The following EPHB6 variants were observed in gnomAD, a reference collection of about 807,000 sequenced individuals.
The protein encoded by EPHB6 is ephrin type-B receptor 6.
In EPHB6, 51 loss-of-function variants were observed where a neutral mutation model predicts 107.0. The ratio of observed to expected loss-of-function variants is 0.48; its 90% CI spans 0.38 to 0.60. The LOEUF (loss-of-function observed/expected upper bound fraction) is 0.60. Ranked by LOEUF, EPHB6 falls within the 20% of genes least tolerant of loss-of-function variation. The probability of loss-of-function intolerance (pLI) is 0.00; values close to 1 mark genes in which losing one functional copy is unlikely to be tolerated. For missense variants in EPHB6, 1,141 were observed against 1,355.5 expected (o/e 0.84, Z 2.48); for synonymous variants, 553 against 549.0 (o/e 1.01, Z -0.10).
rs746855267 is a variant in EPHB6 at position 142,856,778 on chromosome 7, G to A, written c.-432+1393G>A. On this transcript the variant is annotated intron_variant, in intron 1 of 19. Coordinates refer to ENST00000652003, the MANE Select transcript of EPHB6 (RefSeq NM_004445.6). ...CCAGACTGGGGGTAGAGCAGGGGCC[G>A]AAGGTGAGGAAGAAGGGCCCATGGA... Among the ~76,000 whole-genome samples, 9 of 152,172 alleles carry A rather than the reference G, an allele frequency of 5.9e-5. 1 individual carries two copies. The highest frequency in any genetic ancestry group is 5.8e-4 in the East Asian group (3 of 5,186).
intron 18 of EPHB6, 36 bp downstream of exon 18, chr7:142,870,443 G>A: frequency 1.2e-6 from 2 of 1,613,802 alleles, no homozygotes; most frequent in Non-Finnish European, 1.7e-6. Context: ...GGAAAGCCAG[G>A]GAGGGTAGAT....
At chr7:142,870,067 T>G (rs1794824404) in intron 17 of EPHB6, 101 bp downstream of exon 17, 2 of 1,595,678 alleles carry the variant, frequency 1.3e-6, no homozygotes, top group South Asian at 2.2e-5. Flanking sequence ...TTCTAAGATC[T>G]CATGGCTGTT....
At chr7:142,865,768 T>G in intron 8 of EPHB6, 138 bp downstream of exon 8, 1 of 971,828 alleles carries the variant, frequency 1.0e-6, no homozygotes, top group Non-Finnish European at 1.5e-6. Context: ...CTCCCCTCCC[T>G]GTCCCCACCC....
At chr7:142,870,745 T>C in intron 19 of EPHB6, 51 bp from the exon 20 acceptor site, 1 of 1,614,062 alleles carries the variant, frequency 6.2e-7, no homozygotes, top group Non-Finnish European at 8.5e-7. Context: ...GGGGTCGTAT[T>C]GGGGATCTCG....
Position 142,868,046 on chromosome 7 carries a change from C to T in EPHB6, c.1915C>T (p.Pro639Ser). ...YTEQLQQYSS[P>S]GLGVKYYIDP... ...AGAGCAGCTGCAGCAATACAGCAGC[C>T]CAGGTGGGGATGAGGAGAGGAAATG... is the stretch of plus-strand genomic sequence containing the variant. Residue 639 changes from proline to serine, a missense_variant, in exon 13 of 20, where the codon CCA (proline) becomes TCA (serine). This residue lies in a region of EPHB6 where 616 missense variants were observed against 759.3 expected (regional missense o/e 0.81). Coordinates refer to ENST00000652003, the MANE Select transcript of EPHB6 (RefSeq NM_004445.6). The surrounding 1 kb of genome is among the most constrained non-coding windows in gnomAD (Gnocchi z 4.2). 1 of 1,600,916 alleles carries T rather than the reference C, an allele frequency of 6.2e-7. No individual in the cohort carries two copies.
intron 8 of EPHB6, 108 bp downstream of exon 8, chr7:142,865,738 T>C: frequency 6.7e-7 from 1 of 1,485,282 alleles, no homozygotes; most frequent in Non-Finnish European, 9.1e-7. Flanking sequence ...GACTTGTTTT[T>C]CCCCTATTTT....
Position 142,870,905 on chromosome 7 carries a change from G to T in EPHB6, c.*1G>T. 6.2e-7 allele frequency: 1 copy of T among 1,612,124 alleles called. No individual in the cohort carries two copies. The highest frequency in any genetic ancestry group is 1.1e-5 in the South Asian group (1 of 91,038). On this transcript the variant is annotated 3_prime_UTR_variant, in exon 20 of 20. Coordinates refer to ENST00000652003, the MANE Select transcript of EPHB6 (RefSeq NM_004445.6). ...GCAGCAGGGCTCAGTGGAGGTCTGA[G>T]AATGACGATACCCGTGACTCAGCCC...
intron 8 of EPHB6, 135 bp from the exon 9 acceptor site, chr7:142,865,825 C>A: frequency 8.8e-7 from 1 of 1,140,068 alleles, no homozygotes; most frequent in Non-Finnish European, 1.3e-6. Flanking sequence ...TCCTGCCTCT[C>A]TGGGCTACCC....
At chr7:142,857,850 A>G (rs1457977726) in intron 1 of EPHB6, among the ~76,000 whole-genome samples, 1 of 152,204 alleles carries the variant, frequency 6.6e-6, no homozygotes, top group Non-Finnish European at 1.5e-5. Context: ...AGACAAGCTT[A>G]AAGACTAGCC....
In EPHB6 at chr7:142,868,822, A is replaced by G; in HGVS notation, c.2286+83A>G. On this transcript the variant is annotated intron_variant, in intron 15 of 19. Transcript: ENST00000652003. This position sits in a 1 kb window ranked among gnomAD's most constrained non-coding sequence, Gnocchi z 4.2. ...ACGAGGTCCTGTATCTTTGCTTCTT[A>G]CCACCCCACCTTCCATGGTCTCCGT... 1 of 1,608,942 alleles carries G rather than the reference A, an allele frequency of 6.2e-7. No homozygotes were observed. The highest frequency in any genetic ancestry group is 8.5e-7 in the Non-Finnish European group (1 of 1,178,270).
intron 1 of EPHB6, among the ~76,000 whole-genome samples, chr7:142,858,563 G>C (rs1586147164): frequency 1.4e-5 from 2 of 146,704 alleles, no homozygotes; most frequent in Middle Eastern, 7.4e-3. Flanking sequence ...AGCCTCCCCA[G>C]CAGCTGGGAC....
intron 1 of EPHB6, among the ~76,000 whole-genome samples, chr7:142,859,331 G>GA (rs1322619230): frequency 6.6e-6 from 1 of 152,174 alleles, no homozygotes; most frequent in Non-Finnish European, 1.5e-5. Context: ...AGACACCTTT[G>GA]AAAAATCAAG....
At chr7:142,857,413 G>T (rs1256978503) in intron 1 of EPHB6, among the ~76,000 whole-genome samples, 2 of 152,240 alleles carry the variant, frequency 1.3e-5, no homozygotes, top group Non-Finnish European at 2.9e-5. Flanking sequence ...AGCACGAAGA[G>T]ATCTCCAAGG....
In EPHB6 at chr7:142,868,103, A is replaced by G. The variant is rs1794704202; in HGVS notation, c.1918+54A>G. 1 of 1,613,682 alleles carries G rather than the reference A, an allele frequency of 6.2e-7. No homozygotes were observed. The highest frequency in any genetic ancestry group is 1.7e-5 in the Admixed American group (1 of 59,994). On this transcript the variant is annotated intron_variant, in intron 13 of 19. Coordinates refer to ENST00000652003, the MANE Select transcript of EPHB6 (RefSeq NM_004445.6). The surrounding 1 kb of genome is among the most constrained non-coding windows in gnomAD (Gnocchi z 4.2). Reference sequence around the variant, plus strand: ...GCTGGGGAACACATGGGTGGGGCACATGGCAGGCAAGGCTGGATCCCCCCA... The same window carrying G: ...GCTGGGGAACACATGGGTGGGGCACGTGGCAGGCAAGGCTGGATCCCCCCA...
intron 7 of EPHB6, 111 bp downstream of exon 7, chr7:142,864,860 A>G: frequency 7.4e-7 from 1 of 1,354,806 alleles, no homozygotes; most frequent in Non-Finnish European, 1.0e-6. Context: ...GTCAGGAATA[A>G]GCCATCTTAG....
chr7:142,869,064 G>A lies in EPHB6; in HGVS notation c.2377G>A (p.Val793Ile), dbSNP rs759123693. The A allele has an allele frequency of 1.8e-5, 29 of 1,613,438 alleles. No homozygotes were observed. The Admixed American group carries it at 2.8e-4, about 16-fold the overall frequency. Residue 793 changes from valine (V) to isoleucine (I), a missense_variant, in exon 16 of 20, where the codon GTC becomes ATC. Val to Ile is a conservative substitution (Grantham distance 29). Transcript: ENST00000652003. The surrounding 1 kb of genome is among the most constrained non-coding windows in gnomAD (Gnocchi z 4.5). ...AMQYLSSFAF[V>I]HRSLSAHSVL... ...GCAGTACCTGTCCAGCTTTGCCTTCGTCCATCGCTCGCTGTCTGCCCACAG... is the reference window on the plus strand; with the variant it reads ...GCAGTACCTGTCCAGCTTTGCCTTCATCCATCGCTCGCTGTCTGCCCACAG...
At chr7:142,863,351 A>T in intron 5 of EPHB6, 24 bp downstream of exon 5, 5 of 1,605,488 alleles carry the variant, frequency 3.1e-6, no homozygotes, top group Non-Finnish European at 4.3e-6. Context: ...GAGACAGGAG[A>T]ACCCAGACCT....
chr7:142,871,011 C>A lies in EPHB6; in HGVS notation c.*107C>A. 9.6e-7 allele frequency: 1 copy of A among 1,044,402 alleles called. No individual in the cohort carries two copies. Among genetic ancestry groups the A allele is most frequent in the Non-Finnish European group, 1.4e-6 (1 of 710,246 alleles). The allele number at this position is 1,044,402 out of a possible 1,614,324, so 64.7% of individuals were successfully genotyped here. On this transcript the variant is annotated 3_prime_UTR_variant, in exon 20 of 20. Coordinates refer to ENST00000652003, the MANE Select transcript of EPHB6 (RefSeq NM_004445.6). ...TGTGAGAGATGCCCCACACCAAACC[C>A]AACCCTCCCGATGGCTGCATTCCCT... is the stretch of plus-strand genomic sequence containing the variant.
Position 142,865,637 on chromosome 7 carries a change from T to G in EPHB6, c.1105+7T>G, listed in dbSNP as rs752782898. ...CCAGAGGCCCCCTGCACTGGTGAGT[T>G]CCTCACCCAGCCCTGCAATGGGAAA... On this transcript the variant is annotated splice_region_variant and intron_variant, in intron 8 of 19. Coordinates refer to ENST00000652003, the MANE Select transcript of EPHB6 (RefSeq NM_004445.6). 4.3e-6 allele frequency: 7 copies of G among 1,612,616 alleles called. No homozygotes were observed. The Admixed American group carries it at 1.2e-4, about 27-fold the overall frequency.
Sources: gnomAD v4.1 joint callset for allele counts (sites outside exome capture counted in the v4.1 genomes callset) on GRCh38, gnomAD v4.1.1 for gene constraint, gnomAD v4.1.1 regional missense constraint, Gnocchi (gnomAD v3.1) non-coding constraint, MANE v1.5 for transcripts, NCBI Gene and HGNC (gene_info 2026-07-23, HGNC 2026-07-21) for gene names.